TNRC18: variants seen among roughly 807,000 people sequenced by gnomAD.
TNRC18 encodes the protein trinucleotide repeat-containing gene 18 protein.
TNRC18 carries 69 observed loss-of-function variants against 226.7 expected under a neutral mutation model. The observed-to-expected ratio is 0.30, with a 90% CI of 0.25 to 0.37. TNRC18 has a LOEUF of 0.37. TNRC18 is among the 10% of genes least tolerant of loss of function. The pLI, the probability that TNRC18 is intolerant of heterozygous loss-of-function variation, is 1.00. For synonymous variants in TNRC18, 2,449 were observed against 1,927.6 expected (o/e 1.27, Z -7.09); for missense variants, 4,754 against 4,256.6 (o/e 1.12, Z -3.25).
At chr7:5,417,218 A>T (rs1262390683) in intron 2 of TNRC18, among the ~76,000 whole-genome samples, 1 of 152,028 alleles carries the variant, frequency 6.6e-6, no homozygotes, top group East Asian at 1.9e-4. Flanking sequence ...CTGAAATCCC[A>T]GCACTTTGGG....
At chr7:5,350,411 G>C (rs898939647) in intron 17 of TNRC18, among the ~76,000 whole-genome samples, 1 of 138,920 alleles carries the variant, frequency 7.2e-6, no homozygotes, top group Non-Finnish European at 1.6e-5. Context: ...AGGAATTCAA[G>C]AGCAGGGCTG....
In TNRC18 at chr7:5,320,516, GC is replaced by G. The variant is rs746241160; in HGVS notation, c.6636+15del. 2.9e-6 allele frequency: 3 copies of G among 1,027,590 alleles called. No individual in the cohort carries two copies. In the African/African-American group the frequency reaches 4.8e-5, roughly 17 times the overall value. 63.7% of individuals were successfully genotyped at this position (1,027,590 alleles called of 1,614,324 possible). On this transcript the variant is annotated intron_variant, in intron 23 of 29. Coordinates refer to ENST00000430969, the MANE Select transcript of TNRC18 (RefSeq NM_001080495.3). ...CCCACCCCGAGCCTCCCGAGGCCCC[GC>G]CCCTCCCCCCTCACCGCCTCCTGCA...
Position 5,345,521 on chromosome 7 carries a change from C to T in TNRC18, c.5719+41G>A, listed in dbSNP as rs1791089080. The T allele has an allele frequency of 4.2e-5, 8 of 189,872 alleles. 1 individual carries two copies. Among genetic ancestry groups the T allele is most frequent in the Non-Finnish European group, 6.6e-5 (6 of 90,298 alleles). 11.8% of individuals were successfully genotyped at this position (189,872 alleles called of 1,614,324 possible). A position where few individuals can be genotyped will look rare whatever the true frequency, so the allele number is the denominator to read the frequency against. On this transcript the variant is annotated intron_variant, in intron 18 of 29. Transcript: ENST00000430969. ...TGGGATGGGGCAATGGCGTCCGCCC[C>T]TCCCACCCACCCCCACCGCAGCCCA...
intron 17 of TNRC18, among the ~76,000 whole-genome samples, chr7:5,350,157 G>A (rs114598711): frequency 1.3e-5 from 2 of 152,016 alleles, no homozygotes; most frequent in African/African-American, 4.8e-5. Context: ...GGGAGAAGGG[G>A]ATCGTAAACT....
At chr7:5,328,188 A>G (rs1463904722) in intron 19 of TNRC18, among the ~76,000 whole-genome samples, 3 of 151,922 alleles carry the variant, frequency 2.0e-5, no homozygotes, top group Non-Finnish European at 4.4e-5. Flanking sequence ...ACTGTACTCC[A>G]GCCTGGGCCA....
Position 5,394,372 on chromosome 7 carries a change from T to G in TNRC18, c.343+68A>C, listed in dbSNP as rs1281462660. 1.4e-6 allele frequency: 2 copies of G among 1,411,228 alleles called. No individual in the cohort carries two copies. The highest frequency in any genetic ancestry group is 1.9e-6 in the Non-Finnish European group (2 of 1,067,462). The allele number at this position is 1,411,228 out of a possible 1,614,324, so 87.4% of individuals were successfully genotyped here. A position where few individuals can be genotyped will look rare whatever the true frequency, so the allele number is the denominator to read the frequency against. On this transcript the variant is annotated intron_variant, in intron 3 of 29. Coordinates refer to ENST00000430969, the MANE Select transcript of TNRC18 (RefSeq NM_001080495.3). This position sits in a 1 kb window ranked among gnomAD's most constrained non-coding sequence, Gnocchi z 4.5. ...TCAGCGATGACAACAGAGGGGCACA[T>G]GAAGTGGCCAGAGTGGCTGGGACGT... is the stretch of plus-strand genomic sequence containing the variant.
In TNRC18 at chr7:5,307,219, A is replaced by AATTTCATAGCTAT; in HGVS notation, c.*874_*886dup. On this transcript the variant is annotated 3_prime_UTR_variant, in exon 30 of 30. Transcript: ENST00000430969. The stretch of plus-strand genomic sequence containing the variant: ...TGCACGTCAGAATGTTTTTTTTTAT[A>AATTTCATAGCTAT]ATTTCATAGCTATTTTTCACAGTTT... The AATTTCATAGCTAT allele has an allele frequency of 6.8e-6, 1 of 147,714 alleles. No individual in the cohort carries two copies. The highest frequency in any genetic ancestry group is 1.9e-4 in the East Asian group (1 of 5,148). 9.2% of individuals were successfully genotyped at this position (147,714 alleles called of 1,614,324 possible).
intron 18 of TNRC18, among the ~76,000 whole-genome samples, chr7:5,336,082 C>T (rs1178682064): frequency 6.6e-6 from 1 of 152,018 alleles, no homozygotes. Context: ...TGGCATGCAT[C>T]TGTAATTCCA....
intron 5 of TNRC18, among the ~76,000 whole-genome samples, chr7:5,383,819 G>A (rs1779566213): frequency 6.6e-6 from 1 of 152,004 alleles, no homozygotes; most frequent in Admixed American, 6.6e-5. Flanking sequence ...TAGAGACCGG[G>A]TCTCACTCTG....
chr7:5,405,440 G>A (rs373135326), intron 2 of TNRC18, among the ~76,000 whole-genome samples: 2 of 152,096 alleles, frequency 1.3e-5, no homozygotes, highest in East Asian at 3.9e-4. Context: ...GTGGTGGTGC[G>A]CACCTGTAAT....
At chr7:5,322,946 C>T (rs1183970917) in intron 21 of TNRC18, among the ~76,000 whole-genome samples, 1 of 152,188 alleles carries the variant, frequency 6.6e-6, no homozygotes, top group Non-Finnish European at 1.5e-5. Flanking sequence ...GCCTAGGCCT[C>T]GAGAGAGCTC....
chr7:5,389,079 C>G lies in TNRC18; in HGVS notation c.745G>C (p.Gly249Arg), dbSNP rs758395847. 1 of 1,280,592 alleles carries G rather than the reference C, an allele frequency of 7.8e-7. No individual in the cohort carries two copies. Among genetic ancestry groups the G allele is most frequent in the African/African-American group, 1.6e-5 (1 of 62,184 alleles). 79.3% of individuals were successfully genotyped at this position (1,280,592 alleles called of 1,614,324 possible). ...CGCGGGGGCCCCCGGTCCTGGCGGC[C>G]CTCGGCGCGCGCCTCCTGGGTCAGG... ...VDLTQEARAE[G>R]RQDRGPPRLA... Residue 249 changes from glycine to arginine, a missense_variant, in exon 5 of 30, where the codon GGC (glycine) becomes CGC (arginine). Gly to Arg is a moderately radical substitution (Grantham distance 125, BLOSUM62 -2). Transcript: ENST00000430969.
chr7:5,314,648 C>G (rs1380008792), intron 26 of TNRC18, among the ~76,000 whole-genome samples: 1 of 141,428 alleles, frequency 7.1e-6, no homozygotes, highest in African/African-American at 2.6e-5. Context: ...TCTTGGCTCA[C>G]TGCAACCTCC....
chr7:5,308,985 C>T (rs1314576140), intron 28 of TNRC18, 36 bp from the exon 29 acceptor site: 29 of 1,577,832 alleles, frequency 1.8e-5, no homozygotes, highest in African/African-American at 2.7e-5. Flanking sequence ...TGGGTGAGCC[C>T]GGGGGCTGCT....
chr7:5,405,124 A>T (rs1377879395), intron 2 of TNRC18, among the ~76,000 whole-genome samples: 1 of 150,674 alleles, frequency 6.6e-6, no homozygotes, highest in Non-Finnish European at 1.5e-5. Context: ...CTCAAAAAAA[A>T]AAAAGAAGTA....
chr7:5,396,992 G>A lies in TNRC18; in HGVS notation c.188-2397C>T, dbSNP rs117755733. 2.6e-4 allele frequency among the ~76,000 whole-genome samples: 39 copies of A among 152,336 alleles called. 1 individual carries two copies. In the East Asian group the frequency reaches 7.1e-3, roughly 28 times the overall value. ...GGGGAAACTGAGGCAAAGAAGGGCAGGGCCTCCACCTTGGGCCCCAAAGAC... is the reference window on the plus strand; with the variant it reads ...GGGGAAACTGAGGCAAAGAAGGGCAAGGCCTCCACCTTGGGCCCCAAAGAC... On this transcript the variant is annotated intron_variant, in intron 2 of 29. Transcript: ENST00000430969.
At chr7:5,375,754 A>G (rs890129956) in intron 9 of TNRC18, among the ~76,000 whole-genome samples, 1 of 152,152 alleles carries the variant, frequency 6.6e-6, no homozygotes, top group East Asian at 1.9e-4. Context: ...CCAGTCCCCA[A>G]GGCCACCTCT....
intron 16 of TNRC18, among the ~76,000 whole-genome samples, chr7:5,356,536 C>T (rs1792405815): frequency 6.6e-6 from 1 of 152,282 alleles, no homozygotes; most frequent in South Asian, 2.1e-4. Flanking sequence ...AGTCGCGCTC[C>T]AGGCCTCTCT....
At chr7:5,321,214 G>A (rs775019510) in intron 21 of TNRC18, 24 bp from the exon 22 acceptor site, 28 of 1,510,422 alleles carry the variant, frequency 1.9e-5, no homozygotes, top group East Asian at 1.7e-4. Context: ...ATCGTGAGGC[G>A]AGGCTGGAGC....
Sources: allele counts gnomAD v4.1 joint callset (sites outside exome capture counted in the v4.1 genomes callset), GRCh38; gene constraint gnomAD v4.1.1; non-coding constraint Gnocchi (gnomAD v3.1); transcripts MANE v1.5; gene names NCBI Gene and HGNC (gene_info 2026-07-23, HGNC 2026-07-21).